Variants in FHIT observed in about 807,000 individuals in gnomAD.
FHIT encodes the protein fragile histidine triad diadenosine triphosphatase.
FHIT carries 19 observed loss-of-function variants against 17.9 expected under a neutral mutation model. The observed-to-expected ratio is 1.06, with a 90% CI of 0.74 to 1.56. The LOEUF is 1.56. FHIT is among the 40% of genes most tolerant of loss of function. The probability of loss-of-function intolerance (pLI) is 0.00; values close to 1 mark genes in which losing one functional copy is unlikely to be tolerated. For synonymous variants in FHIT, 81 were observed against 69.7 expected (o/e 1.16, Z -0.81); for missense variants, 248 against 189.2 (o/e 1.31, Z -1.82).
chr3:60,195,726 CA>C (rs1240992408), intron 5 of FHIT, among the ~76,000 whole-genome samples: 1 of 150,870 alleles, frequency 6.6e-6, no homozygotes, highest in African/African-American at 2.4e-5. Flanking sequence ...TCTTTTGCAG[CA>C]ACTTTCATGG....
At chr3:60,322,260 G>GGTTT (rs1709468139) in intron 5 of FHIT, among the ~76,000 whole-genome samples, 1 of 152,142 alleles carries the variant, frequency 6.6e-6, no homozygotes, top group African/African-American at 2.4e-5. Flanking sequence ...TTTTCTAATA[G>GGTTT]TAGTACATCA....
chr3:61,069,328 G>A (rs2034721921), intron 2 of FHIT, among the ~76,000 whole-genome samples: 1 of 152,134 alleles, frequency 6.6e-6, no homozygotes, highest in Non-Finnish European at 1.5e-5. Context: ...GCTGCATATT[G>A]AAATCATCTT....
chr3:60,702,273 A>C (rs1241231956), intron 4 of FHIT, among the ~76,000 whole-genome samples: 16 of 152,344 alleles, frequency 1.1e-4, no homozygotes, highest in African/African-American at 3.6e-4. Flanking sequence ...TTTTAATAAC[A>C]GTAACTTTAT....
At chr3:60,457,643 C>T (rs2032190243) in intron 5 of FHIT, among the ~76,000 whole-genome samples, 1 of 151,980 alleles carries the variant, frequency 6.6e-6, no homozygotes, top group Non-Finnish European at 1.5e-5. Context: ...AGTGAACAGG[C>T]AACCTACAGA....
At chr3:60,080,271 C>T (rs771565111) in intron 5 of FHIT, among the ~76,000 whole-genome samples, 2 of 151,974 alleles carry the variant, frequency 1.3e-5, no homozygotes, top group Admixed American at 6.6e-5. Context: ...ACAATGCTTG[C>T]GATTCAGGGT....
At chr3:60,014,814 AG>A (rs1410440469) in intron 5 of FHIT, among the ~76,000 whole-genome samples, 1 of 152,174 alleles carries the variant, frequency 6.6e-6, no homozygotes, top group Non-Finnish European at 1.5e-5. Flanking sequence ...CATGAACGAA[AG>A]GTTGTCTGTT....
chr3:59,934,556 G>C (rs1706136232), intron 7 of FHIT, among the ~76,000 whole-genome samples: 1 of 152,116 alleles, frequency 6.6e-6, no homozygotes, highest in South Asian at 2.1e-4. Context: ...AATGAGAAGA[G>C]AGTAGATGTA....
At chr3:60,554,545 A>G (rs2036678930) in intron 4 of FHIT, among the ~76,000 whole-genome samples, 1 of 152,212 alleles carries the variant, frequency 6.6e-6, no homozygotes. Flanking sequence ...TGTATGGTAA[A>G]TCTGAATCAA....
At chr3:60,092,686 A>T (rs942560469) in intron 5 of FHIT, among the ~76,000 whole-genome samples, 1 of 152,194 alleles carries the variant, frequency 6.6e-6, no homozygotes, top group Non-Finnish European at 1.5e-5. Flanking sequence ...TGGTAAACTC[A>T]TCCCAGCTCC....
rs181661949 is a variant in FHIT, at chr3:60,255,973, G to C, written c.104-241821C>G. Among the ~76,000 whole-genome samples the C allele has an allele frequency of 6.0e-3, 912 of 152,276 alleles. 5 individuals are homozygous for C. Among genetic ancestry groups the C allele is most frequent in the Middle Eastern group, 0.024 (7 of 294 alleles). Reference sequence around the variant, plus strand: ...CCCCTAAGTGAAACACTTGAAATTAGTAAACTGGGTCGGCTTGCAAGCCTG... The same window carrying C: ...CCCCTAAGTGAAACACTTGAAATTACTAAACTGGGTCGGCTTGCAAGCCTG... On this transcript the variant is annotated intron_variant, in intron 5 of 9. Transcript: ENST00000492590.
At chr3:60,920,850 A>G (rs1190657233) in intron 3 of FHIT, among the ~76,000 whole-genome samples, 3 of 152,170 alleles carry the variant, frequency 2.0e-5, no homozygotes, top group African/African-American at 4.8e-5. Flanking sequence ...GAAAACCACT[A>G]CTAAAGAGAA....
intron 5 of FHIT, among the ~76,000 whole-genome samples, chr3:60,145,616 G>C (rs1397985426): frequency 6.6e-6 from 1 of 152,070 alleles, no homozygotes; most frequent in Non-Finnish European, 1.5e-5. Flanking sequence ...ACAAACATAG[G>C]ATTCACATGT....
At chr3:60,156,452 A>G (rs561632747) in intron 5 of FHIT, among the ~76,000 whole-genome samples, 11 of 152,220 alleles carry the variant, frequency 7.2e-5, no homozygotes, top group Admixed American at 2.0e-4. Context: ...TAAAAAATTT[A>G]AAACAAAACA....
At chr3:60,344,048 T>A (rs574279706) in intron 5 of FHIT, among the ~76,000 whole-genome samples, 1 of 152,332 alleles carries the variant, frequency 6.6e-6, no homozygotes, top group East Asian at 1.9e-4. Context: ...CCGACCTCAG[T>A]GGAACAGACG....
intron 5 of FHIT, among the ~76,000 whole-genome samples, chr3:60,221,925 A>T (rs556410277): frequency 6.6e-6 from 1 of 151,960 alleles, no homozygotes; most frequent in South Asian, 2.1e-4. Flanking sequence ...ATGATTTCTT[A>T]TCAACTATCC....
At chr3:60,150,471 T>C (rs1700417690) in intron 5 of FHIT, among the ~76,000 whole-genome samples, 1 of 152,184 alleles carries the variant, frequency 6.6e-6, no homozygotes, top group African/African-American at 2.4e-5. Context: ...TGGCTTTGGT[T>C]ACTTTTTGAT....
rs115398155 is a variant in FHIT, at chr3:60,623,409, T to C, written c.-17-86430A>G. Among the ~76,000 whole-genome samples, 545 of 152,340 alleles carry C rather than the reference T, an allele frequency of 3.6e-3. 3 individuals are homozygous for C. The highest frequency in any genetic ancestry group is 6.2e-3 in the Non-Finnish European group (423 of 68,014). On this transcript the variant is annotated intron_variant, in intron 4 of 9. Coordinates refer to ENST00000492590, the MANE Select transcript of FHIT (RefSeq NM_002012.4). ...ATATTGGAGCTTTATAGAAATCAAG[T>C]AATCTAGCCACAGTCCCAGAGCTAA...
chr3:61,089,302 A>G (rs527642747), intron 2 of FHIT, among the ~76,000 whole-genome samples: 10 of 152,324 alleles, frequency 6.6e-5, no homozygotes, highest in African/African-American at 2.2e-4. Flanking sequence ...TACATTCACA[A>G]TGTTGTGGAA....
intron 1 of FHIT, among the ~76,000 whole-genome samples, chr3:61,235,577 CTGT>C (rs1311215104): frequency 1.3e-5 from 2 of 152,188 alleles, no homozygotes; most frequent in African/African-American, 4.8e-5. Context: ...TGGCGCATGC[CTGT>C]AGTCCCAGCT....
Sources: gnomAD v4.1 joint callset for allele counts (sites outside exome capture counted in the v4.1 genomes callset) on GRCh38, gnomAD v4.1.1 for gene constraint, MANE v1.5 for transcripts, NCBI Gene and HGNC (gene_info 2026-07-23, HGNC 2026-07-21) for gene names.